The following FBXL17 variants were observed in gnomAD, a reference collection of about 807,000 sequenced individuals.
FBXL17 encodes F-box/LRR-repeat protein 17.
A neutral mutation model predicts 66.2 loss-of-function variants in FBXL17; 22 were observed. The ratio of observed to expected loss-of-function variants is 0.33; its 90% confidence interval spans 0.24 to 0.47. The LOEUF is 0.47. Ranked by LOEUF, FBXL17 falls within the 20% of genes least tolerant of loss-of-function variation. The pLI is 1.00. For synonymous variants in FBXL17, 474 were observed against 400.5 expected (o/e 1.18, Z -2.19); for missense variants, 878 against 948.2 (o/e 0.93, Z 0.97).
At chr5:108,313,458 A>G (rs1165403721) in intron 4 of FBXL17, among the ~76,000 whole-genome samples, 1 of 152,096 alleles carries the variant, frequency 6.6e-6, no homozygotes, top group African/African-American at 2.4e-5. Flanking sequence ...TGGTGAGGGA[A>G]GAATTAAAAC....
intron 7 of FBXL17, among the ~76,000 whole-genome samples, chr5:107,935,086 A>G (rs1480592335): frequency 6.6e-6 from 1 of 151,684 alleles, no homozygotes; most frequent in East Asian, 1.9e-4. Context: ...TTTGCACTTT[A>G]CACACATAAG....
intron 5 of FBXL17, among the ~76,000 whole-genome samples, chr5:108,206,948 A>G (rs901921529): frequency 6.6e-6 from 1 of 152,180 alleles, no homozygotes; most frequent in Non-Finnish European, 1.5e-5. Context: ...TAAAGTGTTT[A>G]CCAAAGTAAA....
chr5:108,073,671 CAT>C (rs917405734), intron 6 of FBXL17, among the ~76,000 whole-genome samples: 30 of 152,100 alleles, frequency 2.0e-4, no homozygotes, highest in African/African-American at 7.0e-4. Context: ...GAAAATCCAA[CAT>C]GTTAAGGTTA....
At chr5:107,880,577 G>A (rs546892367) in intron 8 of FBXL17, 58 of 1,026,222 alleles carry the variant, frequency 5.7e-5, no homozygotes, top group African/African-American at 2.6e-4. Context: ...TGTTGGTCCC[G>A]AATGGCCAGA....
rs141916222 is a variant in FBXL17 at position 108,040,508 on chromosome 5, T to C, written c.1746-19507A>G. On this transcript the variant is annotated intron_variant, in intron 6 of 8. Coordinates refer to ENST00000542267, the MANE Select transcript of FBXL17 (RefSeq NM_001163315.3). The stretch of plus-strand genomic sequence containing the variant: ...CAAATTCTATTTCTGCACACACAAA[T>C]AGACTAGGTTAAATAAATTATGGTA... Among the ~76,000 whole-genome samples the C allele has an allele frequency of 2.4e-3, 366 of 152,256 alleles. 3 individuals carry two copies. Among genetic ancestry groups the C allele is most frequent in the South Asian group, 0.014 (67 of 4,828 alleles).
intron 2 of FBXL17, among the ~76,000 whole-genome samples, chr5:108,367,188 T>A (rs1003942059): frequency 6.6e-6 from 1 of 152,068 alleles, no homozygotes; most frequent in Non-Finnish European, 1.5e-5. Flanking sequence ...CCAAATACCA[T>A]CAAGTTTTAA....
intron 7 of FBXL17, among the ~76,000 whole-genome samples, chr5:107,949,958 G>A (rs944336366): frequency 6.6e-6 from 1 of 152,110 alleles, no homozygotes; most frequent in African/African-American, 2.4e-5. Flanking sequence ...CCCCCACCTC[G>A]TAATTTCCAT....
intron 7 of FBXL17, among the ~76,000 whole-genome samples, chr5:108,002,668 T>C (rs1439911181): frequency 6.6e-6 from 1 of 152,142 alleles, no homozygotes; most frequent in Non-Finnish European, 1.5e-5. Flanking sequence ...AAAAGTGGTA[T>C]AGCCATAAAA....
intron 5 of FBXL17, among the ~76,000 whole-genome samples, chr5:108,203,653 CAG>C (rs1378630050): frequency 2.6e-5 from 4 of 152,074 alleles, no homozygotes; most frequent in African/African-American, 9.7e-5. Flanking sequence ...TATAATTAAT[CAG>C]AAACAAATGA....
At position 108,356,698 on chromosome 5, in the gene FBXL17, G is replaced by C. The variant is rs554754625; in HGVS notation, c.1374+8040C>G. Among the ~76,000 whole-genome samples, 231 of 152,008 alleles carry C rather than the reference G, an allele frequency of 1.5e-3. 1 individual carries two copies. Among genetic ancestry groups the C allele is most frequent in the Non-Finnish European group, 2.4e-3 (165 of 67,902 alleles). On this transcript the variant is annotated intron_variant, in intron 3 of 8. Transcript: ENST00000542267. The stretch of plus-strand genomic sequence containing the variant: ...AGCGAATAAATAGGCAGAATACAGA[G>C]GATTTTTAGAGCAGTGAAAATACTC...
At chr5:108,317,602 T>A (rs889026802) in intron 4 of FBXL17, among the ~76,000 whole-genome samples, 1 of 151,174 alleles carries the variant, frequency 6.6e-6, no homozygotes, top group African/African-American at 2.4e-5. Context: ...GGTATAAAAA[T>A]TAGGATATAA....
intron 4 of FBXL17, among the ~76,000 whole-genome samples, chr5:108,261,425 AT>A (rs1271453919): frequency 6.6e-6 from 1 of 152,178 alleles, no homozygotes; most frequent in Non-Finnish European, 1.5e-5. Flanking sequence ...GAACAAAAAG[AT>A]AAAATTTCTA....
intron 6 of FBXL17, among the ~76,000 whole-genome samples, chr5:108,038,211 T>C (rs1746918688): frequency 6.6e-6 from 1 of 152,134 alleles, no homozygotes; most frequent in Non-Finnish European, 1.5e-5. Context: ...AGGGCATTTT[T>C]TGAGACAGGA....
intron 1 of FBXL17, among the ~76,000 whole-genome samples, chr5:108,372,068 T>C (rs1396942828): frequency 1.3e-5 from 2 of 152,224 alleles, no homozygotes; most frequent in African/African-American, 2.4e-5. Context: ...TGTAAGCCTC[T>C]GCACAGCTTC....
intron 5 of FBXL17, among the ~76,000 whole-genome samples, chr5:108,194,322 C>T (rs976065592): frequency 5.9e-5 from 9 of 152,110 alleles, no homozygotes; most frequent in African/African-American, 1.9e-4. Context: ...TATTCCACTA[C>T]CTGGTTCAAA....
intron 3 of FBXL17, among the ~76,000 whole-genome samples, chr5:108,360,674 C>T (rs184381647): frequency 1.3e-5 from 2 of 152,190 alleles, no homozygotes; most frequent in East Asian, 3.9e-4. Flanking sequence ...AATATTCTTC[C>T]TGCCCCTTTT....
At chr5:108,264,829 C>T (rs865995083) in intron 4 of FBXL17, among the ~76,000 whole-genome samples, 10 of 151,078 alleles carry the variant, frequency 6.6e-5, no homozygotes, top group East Asian at 1.9e-4. Flanking sequence ...AAGAATAAAC[C>T]GGTCAATTAC....
chr5:108,092,224 G>A (rs1394260339), intron 6 of FBXL17, among the ~76,000 whole-genome samples: 1 of 151,974 alleles, frequency 6.6e-6, no homozygotes, highest in Non-Finnish European at 1.5e-5. Flanking sequence ...GACCCTTAGC[G>A]ATCCAGAGAA....
At chr5:108,075,816 C>G (rs1005215204) in intron 6 of FBXL17, among the ~76,000 whole-genome samples, 1 of 151,988 alleles carries the variant, frequency 6.6e-6, no homozygotes, top group African/African-American at 2.4e-5. Flanking sequence ...ACCTTTCTCA[C>G]AGCTAAACTT....
Sources: allele counts gnomAD v4.1 joint callset (sites outside exome capture counted in the v4.1 genomes callset), GRCh38; gene constraint gnomAD v4.1.1; transcripts MANE v1.5; gene names NCBI Gene and HGNC (gene_info 2026-07-23, HGNC 2026-07-21).